The following GHR variants were observed in gnomAD, a reference collection of about 807,000 sequenced individuals.
GHR encodes growth hormone receptor, also known as GH receptor.
A neutral mutation model predicts 67.1 loss-of-function variants in GHR; 35 were observed. The observed-to-expected ratio is 0.52, with a 90% CI of 0.40 to 0.69. The LOEUF is 0.69. Among genes scored for constraint, GHR ranks in the 30% least tolerant of loss-of-function variants. The pLI is 0.00. For synonymous variants in GHR, 272 were observed against 269.1 expected, an observed-to-expected ratio of 1.01 and a Z score of -0.10; for missense variants, 792 against 764.6, an observed-to-expected ratio of 1.04 and a Z score of -0.42.
chr5:42,439,760 G>A (rs1419154524), intron 1 of GHR, among the ~76,000 whole-genome samples: 1 of 152,202 alleles, frequency 6.6e-6, no homozygotes, highest in Non-Finnish European at 1.5e-5. Context: ...TGATCTAAGT[G>A]ATTTAAGGAA....
chr5:42,647,730 C>G, intron 3 of GHR: 1 of 437,682 alleles, frequency 2.3e-6, no homozygotes, highest in South Asian at 1.7e-5. Context: ...ACAAGGAAAT[C>G]TAGCTTAGAA....
chr5:42,552,776 G>A (rs1373435797), intron 1 of GHR, among the ~76,000 whole-genome samples: 2 of 152,150 alleles, frequency 1.3e-5, no homozygotes, highest in African/African-American at 4.8e-5. Context: ...GGAATAGAGG[G>A]AACTGAATGA....
At chr5:42,519,537 T>A (rs2112294894) in intron 1 of GHR, among the ~76,000 whole-genome samples, 1 of 152,296 alleles carries the variant, frequency 6.6e-6, no homozygotes, top group Admixed American at 6.5e-5. Flanking sequence ...AAAGAGAAGA[T>A]TCTGCAAATT....
At chr5:42,571,079 A>G (rs1206760741) in intron 2 of GHR, among the ~76,000 whole-genome samples, 2 of 152,186 alleles carry the variant, frequency 1.3e-5, no homozygotes, top group Non-Finnish European at 2.9e-5. Context: ...AAGTTTCTGC[A>G]TTTTTAATTA....
chr5:42,614,319 T>C (rs1201153155), intron 2 of GHR, among the ~76,000 whole-genome samples: 1 of 152,056 alleles, frequency 6.6e-6, no homozygotes. Context: ...TGAGAAATGC[T>C]AAGATTATGC....
chr5:42,496,939 A>T (rs890970268), intron 1 of GHR, among the ~76,000 whole-genome samples: 1 of 152,214 alleles, frequency 6.6e-6, no homozygotes, highest in African/African-American at 2.4e-5. Context: ...AACACTTTGC[A>T]TGTGAATAAG....
intron 1 of GHR, among the ~76,000 whole-genome samples, chr5:42,438,564 GA>G (rs1561303339): frequency 6.6e-6 from 1 of 152,138 alleles, no homozygotes; most frequent in African/African-American, 2.4e-5. Flanking sequence ...TTAATCTGGG[GA>G]AAACCAGCTG....
chr5:42,547,288 A>G (rs1229383266), intron 1 of GHR, among the ~76,000 whole-genome samples: 3 of 152,238 alleles, frequency 2.0e-5, no homozygotes, highest in Non-Finnish European at 4.4e-5. Context: ...TGAAGCAGTC[A>G]TAAATCATGA....
rs149429161 is a variant in GHR, at chr5:42,465,794, C to T, written c.-12+41839C>T. The T allele has an allele frequency of 1.0e-3, 802 of 789,168 alleles. 12 individuals carry two copies. The African/African-American group carries it at 0.012, about 12-fold the overall frequency. 48.9% of individuals were successfully genotyped at this position (789,168 alleles called of 1,614,324 possible). A position where few individuals can be genotyped will look rare whatever the true frequency, so the allele number is the denominator to read the frequency against. ...TCCTTGGCCCATTTCACGTCCACTG[C>T]CCTCTCGACCTCTTCCAAGACCACC... is the stretch of plus-strand genomic sequence containing the variant. On this transcript the variant is annotated intron_variant, in intron 1 of 9. Coordinates refer to ENST00000230882, the MANE Select transcript of GHR (RefSeq NM_000163.5).
intron 2 of GHR, among the ~76,000 whole-genome samples, chr5:42,609,553 C>G (rs28943884): frequency 6.6e-6 from 1 of 152,108 alleles, no homozygotes. Flanking sequence ...TACTTTGGTT[C>G]CTAGCTGTTG....
intron 2 of GHR, among the ~76,000 whole-genome samples, chr5:42,625,743 C>T (rs1753669244): frequency 7.2e-6 from 1 of 138,956 alleles, no homozygotes; most frequent in South Asian, 2.2e-4. Context: ...AAGGACTATT[C>T]AGGTTAAGAT....
chr5:42,669,121 G>A (rs997937124), intron 3 of GHR, among the ~76,000 whole-genome samples: 4 of 152,116 alleles, frequency 2.6e-5, no homozygotes, highest in African/African-American at 9.7e-5. Flanking sequence ...TGTTCAGTGT[G>A]CTGTGATCCT....
intron 2 of GHR, among the ~76,000 whole-genome samples, chr5:42,592,745 G>A (rs1354665630): frequency 6.6e-6 from 1 of 150,720 alleles, no homozygotes; most frequent in Non-Finnish European, 1.5e-5. Context: ...TGTCTTTATG[G>A]TAGAGCAGTT....
At chr5:42,662,542 G>A (rs985849563) in intron 3 of GHR, among the ~76,000 whole-genome samples, 2 of 152,252 alleles carry the variant, frequency 1.3e-5, no homozygotes, top group East Asian at 1.9e-4. Flanking sequence ...AAATAAAGAT[G>A]TTCTTTGAAA....
At chr5:42,648,765 G>T (rs557047930) in intron 3 of GHR, among the ~76,000 whole-genome samples, 29 of 151,898 alleles carry the variant, frequency 1.9e-4, no homozygotes, top group African/African-American at 7.0e-4. Flanking sequence ...GATGGAGGAG[G>T]TGAATTGGAA....
At chr5:42,695,156 T>G in intron 5 of GHR, 67 bp downstream of exon 5, 1 of 1,079,252 alleles carries the variant, frequency 9.3e-7, no homozygotes, top group South Asian at 1.3e-5. Flanking sequence ...GCCTGCAAGG[T>G]CCAAGTATAA....
chr5:42,469,683 C>A (rs1219116040), intron 1 of GHR, among the ~76,000 whole-genome samples: 2 of 152,172 alleles, frequency 1.3e-5, no homozygotes, highest in African/African-American at 4.8e-5. Context: ...TCCTTAGACC[C>A]AGAGTCCCAG....
At chr5:42,571,659 C>T (rs983567475) in intron 2 of GHR, among the ~76,000 whole-genome samples, 4 of 152,100 alleles carry the variant, frequency 2.6e-5, no homozygotes, top group African/African-American at 9.7e-5. Context: ...AGTGGGACCA[C>T]CCAAGAATAC....
At chr5:42,431,103 T>C (rs1029964907) in intron 1 of GHR, among the ~76,000 whole-genome samples, 7 of 152,200 alleles carry the variant, frequency 4.6e-5, no homozygotes, top group African/African-American at 1.4e-4. Context: ...TGAATCCATT[T>C]AATTATCAAA....
Sources: gnomAD v4.1 joint callset for allele counts (sites outside exome capture counted in the v4.1 genomes callset) on GRCh38, gnomAD v4.1.1 for gene constraint, MANE v1.5 for transcripts, NCBI Gene and HGNC (gene_info 2026-07-23, HGNC 2026-07-21) for gene names.